Variants in CEP63 observed in about 807,000 individuals in gnomAD.
The protein encoded by CEP63 is centrosomal protein 63, also known as centrosomal protein of 63 kDa.
In CEP63, 84 loss-of-function variants were observed where a neutral mutation model predicts 89.1. That is an observed-to-expected ratio of 0.94 (90% CI 0.79 to 1.13). CEP63 has a LOEUF of 1.13. Among genes scored for constraint, CEP63 ranks in the 50% most tolerant of loss-of-function variants. The pLI is 0.00. For missense variants in CEP63, 838 were observed against 813.3 expected (o/e 1.03, Z -0.37); for synonymous variants, 267 against 272.5 (o/e 0.98, Z 0.20).
At position 134,493,596 on chromosome 3, in the gene CEP63, T is replaced by A. The variant is rs552496862; in HGVS notation, c.-25-1700T>A. 4.1e-4 allele frequency among the ~76,000 whole-genome samples: 63 copies of A among 152,290 alleles called. 1 individual carries two copies. The South Asian group carries it at 0.013, about 31-fold the overall frequency. ...TAATTTAATACTCAGTTTGTTAGTATCTTTAAAAATAGATGCAAATAAGGT... is the reference window on the plus strand; with the variant it reads ...TAATTTAATACTCAGTTTGTTAGTAACTTTAAAAATAGATGCAAATAAGGT... On this transcript the variant is annotated intron_variant, in intron 1 of 14. Transcript: ENST00000675561.
At chr3:134,493,369 G>C (rs111866459) in intron 1 of CEP63, among the ~76,000 whole-genome samples, 82 of 151,620 alleles carry the variant, frequency 5.4e-4, no homozygotes, top group African/African-American at 1.9e-3. Flanking sequence ...GTGTGGTGTG[G>C]ACCGTGTACT....
chr3:134,612,751 CTGTGTGTGTGTGTGTGTGTG>C, the CEP63 span, among the ~76,000 whole-genome samples: 148 of 125,486 alleles, frequency 1.2e-3, 2 homozygotes, highest in East Asian at 0.026. Context: ...CACGCCGATG[CTGTGTGTGTGTGTGTGTGTG>C]TGTGTGTGTG....
At chr3:134,687,035 G>A in the CEP63 span, among the ~76,000 whole-genome samples, 3 of 152,100 alleles carry the variant, frequency 2.0e-5, no homozygotes, top group African/African-American at 7.2e-5. Flanking sequence ...GTAAACTTTA[G>A]CACAATGACA....
the CEP63 span, among the ~76,000 whole-genome samples, chr3:134,753,771 A>G: frequency 6.6e-6 from 1 of 152,230 alleles, no homozygotes; most frequent in Non-Finnish European, 1.5e-5. Context: ...AAAAGTTCAG[A>G]GAGGTGGGGT....
chr3:134,596,346 T>C, the CEP63 span, among the ~76,000 whole-genome samples: 7 of 152,198 alleles, frequency 4.6e-5, no homozygotes, highest in Non-Finnish European at 7.4e-5. Flanking sequence ...ATCTTCCAAG[T>C]AGTCAGTATG....
the CEP63 span, chr3:134,629,375 A>G: frequency 4.0e-6 from 2 of 494,740 alleles, no homozygotes; most frequent in Middle Eastern, 5.5e-4. Context: ...TTGTGATGCA[A>G]TGTGTCTTCA....
chr3:134,492,865 A>T lies in CEP63; in HGVS notation c.-25-2431A>T, dbSNP rs116636398. ...GGTTGAATCCAGGACTATAATTTTTAGTTTATCATAGTCAAGTTATTTAAC... is the reference window on the plus strand; with the variant it reads ...GGTTGAATCCAGGACTATAATTTTTTGTTTATCATAGTCAAGTTATTTAAC... On this transcript the variant is annotated intron_variant, in intron 1 of 14. Transcript: ENST00000675561. Among the ~76,000 whole-genome samples, 629 of 152,284 alleles carry T rather than the reference A, an allele frequency of 4.1e-3. 3 individuals are homozygous for T. The highest frequency in any genetic ancestry group is 0.014 in the African/African-American group (601 of 41,558).
At chr3:134,581,229 C>T (rs1238558381) in intron 10 of CEP63, among the ~76,000 whole-genome samples, 1 of 152,204 alleles carries the variant, frequency 6.6e-6, no homozygotes, top group African/African-American at 2.4e-5. Flanking sequence ...AAGTCACTAG[C>T]TCTGTCGTAG....
intron 14 of CEP63, among the ~76,000 whole-genome samples, chr3:134,560,209 C>G (rs1187748841): frequency 4.6e-5 from 7 of 152,198 alleles, no homozygotes; most frequent in Non-Finnish European, 1.0e-4. Flanking sequence ...CTCTATTCCA[C>G]TTAGTGTGAG....
rs1577275184 is a variant in CEP63, at chr3:134,546,634, G to A, written c.929+346G>A. Among the ~76,000 whole-genome samples the A allele has an allele frequency of 2.0e-5, 3 of 152,198 alleles. No individual in the cohort carries two copies. The East Asian group carries it at 5.8e-4, about 29-fold the overall frequency. On this transcript the variant is annotated intron_variant, in intron 8 of 14. Transcript: ENST00000675561. ...AGCCTCCCAAAGTGCTGGGATTACAGGTGTGAGCTGCCACGCCCATCCAAG... is the reference window on the plus strand; with the variant it reads ...AGCCTCCCAAAGTGCTGGGATTACAAGTGTGAGCTGCCACGCCCATCCAAG...
downstream of CEP63, among the ~76,000 whole-genome samples, chr3:134,577,529 C>T (rs1377470000): frequency 7.4e-6 from 1 of 134,542 alleles, no homozygotes; most frequent in African/African-American, 2.8e-5. Flanking sequence ...CGAGTTCAAG[C>T]AATTCTCATG....
chr3:134,551,287 CTT>C (rs1323290935), intron 11 of CEP63, among the ~76,000 whole-genome samples: 2 of 151,970 alleles, frequency 1.3e-5, no homozygotes, highest in African/African-American at 4.8e-5. Flanking sequence ...CCCTGAGAGA[CTT>C]AATGATTATA....
chr3:134,610,082 C>T, the CEP63 span: 1 of 1,186,816 alleles, frequency 8.4e-7, no homozygotes, highest in South Asian at 1.4e-5. Context: ...CATGGGGCCT[C>T]CTGGCTCTCC....
intron 6 of CEP63, among the ~76,000 whole-genome samples, chr3:134,541,619 ATCC>A (rs988264977): frequency 2.0e-5 from 3 of 149,786 alleles, no homozygotes; most frequent in African/African-American, 4.9e-5. Context: ...AGATCAAACG[ATCC>A]TCCTCCTCAG....
chr3:134,713,529 A>AGAAG, the CEP63 span, among the ~76,000 whole-genome samples: 1 of 152,212 alleles, frequency 6.6e-6, no homozygotes, highest in Admixed American at 6.5e-5. Context: ...GTGAAAGGAA[A>AGAAG]GAAGGAAGGA....
downstream of CEP63, among the ~76,000 whole-genome samples, chr3:134,576,971 C>A (rs572416833): frequency 6.6e-6 from 1 of 152,294 alleles, no homozygotes; most frequent in South Asian, 2.1e-4. Flanking sequence ...AAACAAAAAA[C>A]AACACTGCGC....
rs564972913 is a variant in CEP63 at position 134,550,082 on chromosome 3, A to AG, written c.1205dup (p.Glu403Ter). ...TTATAGTTGAAAGAACAGATTTTAC[A>AG]GGGTGAACAAAGTTACAGTTCTGCA... On this transcript the variant is annotated frameshift_variant, in exon 11 of 15. Coordinates refer to ENST00000675561, the MANE Select transcript of CEP63 (RefSeq NM_001353108.3). LOFTEE classifies it high-confidence loss of function. 6.2e-7 allele frequency: 1 copy of AG among 1,613,604 alleles called. No individual in the cohort carries two copies. Among genetic ancestry groups the AG allele is most frequent in the Non-Finnish European group, 8.5e-7 (1 of 1,179,532 alleles).
chr3:134,599,065 G>A, the CEP63 span, among the ~76,000 whole-genome samples: 24 of 152,332 alleles, frequency 1.6e-4, no homozygotes, highest in Middle Eastern at 3.4e-3. Context: ...ATGTTCCACA[G>A]CAGGGCCCTT....
intron 9 of CEP63, among the ~76,000 whole-genome samples, chr3:134,548,470 A>G (rs1312928332): frequency 2.6e-5 from 4 of 152,178 alleles, no homozygotes; most frequent in African/African-American, 9.6e-5. Flanking sequence ...TTGGTTTTTC[A>G]TAACCTCTCA....
Sources: gnomAD v4.1 joint callset for allele counts (sites outside exome capture counted in the v4.1 genomes callset) on GRCh38, gnomAD v4.1.1 for gene constraint, MANE v1.5 for transcripts, NCBI Gene and HGNC (gene_info 2026-07-23, HGNC 2026-07-21) for gene names.